The following TBC1D22A variants were observed in gnomAD, a reference collection of about 807,000 sequenced individuals.
TBC1D22A encodes TBC1 domain family member 22A.
TBC1D22A carries 38 observed loss-of-function variants against 60.2 expected under a neutral mutation model. That is an observed-to-expected ratio of 0.63 (90% CI 0.49 to 0.83). The LOEUF is 0.83. TBC1D22A is among the 40% of genes least tolerant of loss of function. TBC1D22A has a pLI of 0.00. For missense variants in TBC1D22A, 628 were observed against 701.0 expected, an observed-to-expected ratio of 0.90 and a Z score of 1.18; for synonymous variants, 302 against 281.7, an observed-to-expected ratio of 1.07 and a Z score of -0.72.
At chr22:46,978,244 AT>A (rs1051486833) in intron 9 of TBC1D22A, among the ~76,000 whole-genome samples, 10 of 152,220 alleles carry the variant, frequency 6.6e-5, no homozygotes, top group Non-Finnish European at 1.0e-4. Context: ...TACAAACATT[AT>A]TGAAGAGCTT....
intron 10 of TBC1D22A, among the ~76,000 whole-genome samples, chr22:47,003,701 T>TAC (rs773965104): frequency 1.0e-4 from 10 of 95,390 alleles, no homozygotes; most frequent in African/African-American, 4.0e-4. Flanking sequence ...ACACACACCC[T>TAC]ACACACATGC....
chr22:46,818,262 A>G (rs970717876), intron 4 of TBC1D22A, among the ~76,000 whole-genome samples: 2 of 152,180 alleles, frequency 1.3e-5, no homozygotes, highest in Middle Eastern at 3.4e-3. Flanking sequence ...ATTGGATCTC[A>G]TTTGTCAATT....
At chr22:46,767,691 G>A (rs112166218) in intron 1 of TBC1D22A, among the ~76,000 whole-genome samples, 24 of 152,114 alleles carry the variant, frequency 1.6e-4, no homozygotes, top group Admixed American at 7.9e-4. Context: ...GTGAGAAGGA[G>A]CCCTTCACTG....
At chr22:47,133,429 G>T (rs1287513989) in intron 12 of TBC1D22A, among the ~76,000 whole-genome samples, 2 of 152,206 alleles carry the variant, frequency 1.3e-5, no homozygotes, top group Non-Finnish European at 2.9e-5. Context: ...GTACCAGAGC[G>T]GGAGGCTGAT....
chr22:47,043,215 G>A (rs1191221953), intron 11 of TBC1D22A, among the ~76,000 whole-genome samples: 2 of 152,260 alleles, frequency 1.3e-5, no homozygotes, highest in East Asian at 3.8e-4. Context: ...GGGTGTCCAT[G>A]GCAGGGGGTC....
At chr22:47,115,175 AG>A (rs2065990632) in intron 12 of TBC1D22A, among the ~76,000 whole-genome samples, 1 of 129,104 alleles carries the variant, frequency 7.7e-6, no homozygotes, top group African/African-American at 3.2e-5. Flanking sequence ...GGGCCCCAGG[AG>A]GTGTGTGCTT....
chr22:47,154,638 T>A (rs889001968), intron 12 of TBC1D22A, among the ~76,000 whole-genome samples: 1 of 152,028 alleles, frequency 6.6e-6, no homozygotes, highest in Non-Finnish European at 1.5e-5. Context: ...CAGGTAGCGG[T>A]TGCCTTTAGC....
Position 47,111,436 on chromosome 22 carries a change from G to A in TBC1D22A, c.1330-72G>A, listed in dbSNP as rs557707328. 2.6e-4 allele frequency: 364 copies of A among 1,389,592 alleles called. 4 individuals are homozygous for A. In the South Asian group the frequency reaches 3.4e-3, roughly 13 times the overall value. 86.1% of individuals were successfully genotyped at this position (1,389,592 alleles called of 1,614,324 possible). On this transcript the variant is annotated intron_variant, in intron 11 of 12. Transcript: ENST00000337137. The stretch of plus-strand genomic sequence containing the variant: ...CCTGACTAGATAAACCCTGACTGTC[G>A]CAGATAACCTCGCAGTGATGTTAAT...
At chr22:47,120,685 A>T (rs2066240625) in intron 12 of TBC1D22A, among the ~76,000 whole-genome samples, 1 of 152,230 alleles carries the variant, frequency 6.6e-6, no homozygotes. Context: ...AGACAGACAA[A>T]ATGGCCCTTG....
intron 1 of TBC1D22A, among the ~76,000 whole-genome samples, chr22:46,785,993 ACTGGTCTTTAACTC>A (rs1333295893): frequency 3.3e-5 from 5 of 152,092 alleles, no homozygotes; most frequent in African/African-American, 9.7e-5. Context: ...TGTTGCCCAG[ACTGGTCTTTAACTC>A]CTGGGCTCAA....
chr22:47,125,771 C>T (rs1379427992), intron 12 of TBC1D22A, among the ~76,000 whole-genome samples: 1 of 152,216 alleles, frequency 6.6e-6, no homozygotes, highest in African/African-American at 2.4e-5. Flanking sequence ...TTGCCAAGGG[C>T]CCCCTACCGG....
At chr22:47,065,710 G>A (rs2063753619) in intron 11 of TBC1D22A, among the ~76,000 whole-genome samples, 7 of 47,536 alleles carry the variant, frequency 1.5e-4, no homozygotes. Flanking sequence ...TGAGGAAGCT[G>A]CAAAGTTCTA....
intron 1 of TBC1D22A, among the ~76,000 whole-genome samples, chr22:46,771,545 C>G (rs539187410): frequency 3.3e-5 from 5 of 151,972 alleles, no homozygotes; most frequent in Non-Finnish European, 5.9e-5. Flanking sequence ...TCCCTGAAGT[C>G]TATTGTGTCA....
At chr22:46,818,561 G>C (rs1211790797) in intron 4 of TBC1D22A, among the ~76,000 whole-genome samples, 1 of 152,174 alleles carries the variant, frequency 6.6e-6, no homozygotes, top group Non-Finnish European at 1.5e-5. Flanking sequence ...ATAGATGGCT[G>C]TAAGTATGTG....
Position 46,907,108 on chromosome 22 carries a change from G to A in TBC1D22A, c.901-4966G>A, listed in dbSNP as rs1001874729. Among the ~76,000 whole-genome samples, 8 of 151,672 alleles carry A rather than the reference G, an allele frequency of 5.3e-5. No individual in the cohort carries two copies. In the South Asian group the frequency reaches 8.3e-4, roughly 16 times the overall value. Reference sequence around the variant, plus strand: ...GTGTGTGTGCTCTTCACGTGTGTGCGCTCTTCTCCGTGCGTGTGCTCTTCT... The same window carrying A: ...GTGTGTGTGCTCTTCACGTGTGTGCACTCTTCTCCGTGCGTGTGCTCTTCT... On this transcript the variant is annotated intron_variant, in intron 7 of 12. Transcript: ENST00000337137.
chr22:46,835,816 A>C (rs902187087), intron 4 of TBC1D22A, among the ~76,000 whole-genome samples: 2 of 152,256 alleles, frequency 1.3e-5, no homozygotes, highest in African/African-American at 4.8e-5. Context: ...AAAGACAAAC[A>C]GAATTTGGAA....
chr22:46,872,516 TGAAAC>T (rs1477995382), intron 4 of TBC1D22A, among the ~76,000 whole-genome samples: 1 of 152,218 alleles, frequency 6.6e-6, no homozygotes, highest in Admixed American at 6.5e-5. Context: ...ACCAGATATG[TGAAAC>T]AACTGTTTTC....
At chr22:46,876,306 C>CA (rs1180022785) in intron 4 of TBC1D22A, among the ~76,000 whole-genome samples, 2 of 152,166 alleles carry the variant, frequency 1.3e-5, no homozygotes, top group African/African-American at 4.8e-5. Context: ...CATATCCGCA[C>CA]AAAAAGACAG....
intron 10 of TBC1D22A, among the ~76,000 whole-genome samples, chr22:47,030,896 G>A (rs1043740201): frequency 6.6e-6 from 1 of 152,258 alleles, no homozygotes. Flanking sequence ...TTTCCCGCTG[G>A]GGATGCACGT....
Sources: allele counts gnomAD v4.1 joint callset (sites outside exome capture counted in the v4.1 genomes callset), GRCh38; gene constraint gnomAD v4.1.1; transcripts MANE v1.5; gene names NCBI Gene and HGNC (gene_info 2026-07-23, HGNC 2026-07-21).